Variants in ERP44 observed in about 807,000 individuals in gnomAD.
ERP44 encodes the protein endoplasmic reticulum protein 44.
ERP44 carries 25 observed loss-of-function variants against 53.4 expected under a neutral mutation model. The observed-to-expected ratio is 0.47, with a 90% confidence interval of 0.34 to 0.65. The LOEUF (loss-of-function observed/expected upper bound fraction) is 0.65. Among genes scored for constraint, ERP44 ranks in the 30% least tolerant of loss-of-function variants. The pLI is 0.01. For missense variants in ERP44, 338 were observed against 493.2 expected, an observed-to-expected ratio of 0.69 and a Z score of 2.98; for synonymous variants, 145 against 161.2, an observed-to-expected ratio of 0.90 and a Z score of 0.76.
chr9:100,098,679 C>A (rs1826693151), intron 1 of ERP44, 105 bp downstream of exon 1: 2 of 983,922 alleles, frequency 2.0e-6, no homozygotes, highest in East Asian at 5.1e-5. Flanking sequence ...CAAAACACTG[C>A]AGGAAAAGAC....
intron 1 of ERP44, among the ~76,000 whole-genome samples, chr9:100,081,056 A>G (rs1472643245): frequency 6.6e-6 from 1 of 152,052 alleles, no homozygotes; most frequent in African/African-American, 2.4e-5. Context: ...TCAAGACTAA[A>G]TACATCTATA....
chr9:100,009,392 A>G (rs1463120258), intron 8 of ERP44, among the ~76,000 whole-genome samples: 1 of 152,146 alleles, frequency 6.6e-6, no homozygotes, highest in East Asian at 1.9e-4. Context: ...GATTACAGGC[A>G]TGAGCCACTG....
rs571770866 is a variant in ERP44, at chr9:100,068,567, TG to T, written c.58-8396del. The stretch of plus-strand genomic sequence containing the variant: ...CCAGCCGCCCCGTCGGGGAGGGAGG[TG>T]GGGGGGTCAGCCCCCAGCCCGGCCG... On this transcript the variant is annotated intron_variant, in intron 1 of 11. Transcript: ENST00000262455. Among the ~76,000 whole-genome samples the T allele has an allele frequency of 6.1e-3, 516 of 84,538 alleles. 3 individuals carry two copies. Among genetic ancestry groups the T allele is most frequent in the East Asian group, 0.039 (100 of 2,544 alleles). 55.5% of individuals were successfully genotyped at this position (84,538 alleles called of 152,430 possible).
intron 10 of ERP44, chr9:99,998,391 C>T (rs1477594029): frequency 4.6e-5 from 29 of 626,828 alleles, no homozygotes; most frequent in Middle Eastern, 4.1e-4. Context: ...GCTCCCGGAT[C>T]ATACAGCTGC....
chr9:100,078,383 G>C (rs1826382481), intron 1 of ERP44, among the ~76,000 whole-genome samples: 1 of 151,492 alleles, frequency 6.6e-6, no homozygotes, highest in African/African-American at 2.4e-5. Context: ...ACTCAAACCT[G>C]GGAGGTGGAG....
intron 4 of ERP44, among the ~76,000 whole-genome samples, chr9:100,041,818 T>C (rs1003523745): frequency 1.4e-4 from 21 of 152,286 alleles, no homozygotes; most frequent in Middle Eastern, 3.4e-3. Context: ...GACAGTCTCT[T>C]CAATAAATGG....
chr9:100,025,973 T>C (rs191379147), intron 4 of ERP44, among the ~76,000 whole-genome samples: 66 of 152,332 alleles, frequency 4.3e-4, no homozygotes, highest in African/African-American at 1.4e-3. Flanking sequence ...ATTTTTAAGA[T>C]ACCAGAAATC....
chr9:100,065,732 T>C (rs903292038), intron 1 of ERP44, among the ~76,000 whole-genome samples: 2 of 152,212 alleles, frequency 1.3e-5, no homozygotes, highest in Non-Finnish European at 2.9e-5. Context: ...TGCTATAATT[T>C]AAGGTTTTTA....
chr9:99,995,273 T>C (rs1343363891), intron 10 of ERP44, among the ~76,000 whole-genome samples: 4 of 152,236 alleles, frequency 2.6e-5, no homozygotes, highest in Non-Finnish European at 4.4e-5. Flanking sequence ...ATACAGATAA[T>C]CATGTTATAT....
chr9:100,036,541 G>A (rs1000524995), intron 4 of ERP44, among the ~76,000 whole-genome samples: 1 of 152,078 alleles, frequency 6.6e-6, no homozygotes, highest in Admixed American at 6.5e-5. Flanking sequence ...TACCTATTGG[G>A]TACTCTGCTC....
intron 10 of ERP44, among the ~76,000 whole-genome samples, chr9:99,987,357 T>C (rs1830205296): frequency 6.6e-6 from 1 of 152,202 alleles, no homozygotes; most frequent in Admixed American, 6.5e-5. Flanking sequence ...AATAAAATTA[T>C]ATATATCACG....
intron 4 of ERP44, among the ~76,000 whole-genome samples, chr9:100,030,925 A>G (rs1278747812): frequency 6.6e-6 from 1 of 152,140 alleles, no homozygotes; most frequent in Non-Finnish European, 1.5e-5. Flanking sequence ...CTGTGCCCTG[A>G]GACCACATGA....
At chr9:99,999,383 T>G (rs945024304) in intron 10 of ERP44, among the ~76,000 whole-genome samples, 5 of 152,206 alleles carry the variant, frequency 3.3e-5, no homozygotes, top group African/African-American at 4.8e-5. Flanking sequence ...TTGTGAAGAT[T>G]TTCTCCCACT....
chr9:100,088,706 A>G (rs1487525878), intron 1 of ERP44, among the ~76,000 whole-genome samples: 2 of 152,230 alleles, frequency 1.3e-5, no homozygotes, highest in East Asian at 3.8e-4. Flanking sequence ...TAATACCAGT[A>G]TTATTCCTCA....
intron 10 of ERP44, among the ~76,000 whole-genome samples, chr9:99,993,895 C>A (rs1241284695): frequency 5.3e-5 from 8 of 152,128 alleles, no homozygotes; most frequent in Non-Finnish European, 1.0e-4. Context: ...CCAACAGGCA[C>A]ATGAAAAAAT....
At chr9:100,031,284 T>A (rs993057252) in intron 4 of ERP44, among the ~76,000 whole-genome samples, 2 of 152,242 alleles carry the variant, frequency 1.3e-5, no homozygotes, top group African/African-American at 4.8e-5. Flanking sequence ...TGTTGGTCTC[T>A]GCCATCCAGG....
chr9:99,993,052 T>C (rs1026480808), intron 10 of ERP44, among the ~76,000 whole-genome samples: 1 of 152,216 alleles, frequency 6.6e-6, no homozygotes, highest in Non-Finnish European at 1.5e-5. Flanking sequence ...TGCTCGTGGA[T>C]AGGAAGAATC....
intron 3 of ERP44, among the ~76,000 whole-genome samples, chr9:100,057,026 T>C (rs1826093962): frequency 6.6e-6 from 1 of 152,198 alleles, no homozygotes; most frequent in Admixed American, 6.5e-5. Context: ...TACGTAAGAC[T>C]AGAGGCACAG....
intron 1 of ERP44, among the ~76,000 whole-genome samples, chr9:100,084,566 T>G (rs1198153629): frequency 6.6e-6 from 1 of 152,222 alleles, no homozygotes; most frequent in Non-Finnish European, 1.5e-5. Flanking sequence ...ATATTTCTCT[T>G]AAAAGAAATT....
Sources: allele counts gnomAD v4.1 joint callset (sites outside exome capture counted in the v4.1 genomes callset), GRCh38; gene constraint gnomAD v4.1.1; transcripts MANE v1.5; gene names NCBI Gene and HGNC (gene_info 2026-07-23, HGNC 2026-07-21).